CLEC16A: variants seen among roughly 807,000 people sequenced by gnomAD.
CLEC16A encodes the protein protein CLEC16A.
CLEC16A carries 51 observed loss-of-function variants against 109.5 expected under a neutral mutation model. The observed-to-expected ratio is 0.47, with a 90% CI of 0.37 to 0.59. The LOEUF is 0.59. Ranked by LOEUF, CLEC16A falls within the 20% of genes least tolerant of loss-of-function variation. The pLI is 0.00. For synonymous variants in CLEC16A, 673 were observed against 564.2 expected (o/e 1.19, Z -2.73); for missense variants, 1,339 against 1,394.0 (o/e 0.96, Z 0.63).
At chr16:11,002,848 A>G (rs1431011855) in intron 10 of CLEC16A, among the ~76,000 whole-genome samples, 8 of 152,126 alleles carry the variant, frequency 5.3e-5, no homozygotes, top group Non-Finnish European at 1.0e-4. Flanking sequence ...GTGTGTATAC[A>G]TGTCATCTTC....
intron 13 of CLEC16A, chr16:11,027,677 C>T: frequency 1.3e-6 from 2 of 1,571,400 alleles, no homozygotes; most frequent in Non-Finnish European, 1.7e-6. Flanking sequence ...ATCATGCTAC[C>T]AAAAATAGAG....
At chr16:11,137,587 T>TAAAAA in intron 22 of CLEC16A, among the ~76,000 whole-genome samples, 1 of 59,306 alleles carries the variant, frequency 1.7e-5, no homozygotes, top group Non-Finnish European at 3.1e-5. Flanking sequence ...AGACTCCATC[T>TAAAAA]AAAAAAAAAA....
intron 7 of CLEC16A, among the ~76,000 whole-genome samples, chr16:10,976,723 G>A (rs575742315): frequency 2.6e-5 from 4 of 152,340 alleles, no homozygotes; most frequent in African/African-American, 7.2e-5. Flanking sequence ...CCAGCATGCT[G>A]TTGCTAACTG....
chr16:10,973,592 A>G (rs1478550678), intron 7 of CLEC16A, among the ~76,000 whole-genome samples: 2 of 151,958 alleles, frequency 1.3e-5, no homozygotes, highest in South Asian at 4.2e-4. Flanking sequence ...TTTTTGAGAC[A>G]GAGTATTGCT....
At chr16:10,985,799 C>T (rs1336481762) in intron 10 of CLEC16A, among the ~76,000 whole-genome samples, 1 of 149,804 alleles carries the variant, frequency 6.7e-6, no homozygotes, top group African/African-American at 2.5e-5. Context: ...CTCACTGCAG[C>T]CTCTGCCTCT....
chr16:10,989,570 A>T (rs2043876240), intron 10 of CLEC16A, among the ~76,000 whole-genome samples: 1 of 152,204 alleles, frequency 6.6e-6, no homozygotes, highest in Non-Finnish European at 1.5e-5. Flanking sequence ...ATGTGGGTTC[A>T]TATGGTTGGC....
intron 20 of CLEC16A, among the ~76,000 whole-genome samples, chr16:11,121,503 A>G (rs1195667667): frequency 6.6e-6 from 1 of 152,104 alleles, no homozygotes; most frequent in Non-Finnish European, 1.5e-5. Flanking sequence ...ACGTCACCCC[A>G]GCAGAGCTAG....
intron 23 of CLEC16A, 31 bp downstream of exon 23, chr16:11,166,583 A>G (rs11643123): frequency 0.12 from 189,803 of 1,534,530 alleles, 12,758 homozygotes; most frequent in South Asian, 0.24. Flanking sequence ...TGATATGGGG[A>G]CATTTGGAGA....
At chr16:11,131,095 T>C (rs1485525360) in intron 22 of CLEC16A, among the ~76,000 whole-genome samples, 1 of 152,000 alleles carries the variant, frequency 6.6e-6, no homozygotes, top group Admixed American at 6.6e-5. Context: ...CCTCACAGAA[T>C]GTTCAGCTTC....
chr16:11,002,440 G>T lies in CLEC16A; in HGVS notation c.1072-634G>T, dbSNP rs888285937. ...TATTTGATGATGATGTTAATAATGG[G>T]CATAATAATAGATCTGGAGGTGGCA... On this transcript the variant is annotated intron_variant, in intron 10 of 23. Coordinates refer to ENST00000409790, the MANE Select transcript of CLEC16A (RefSeq NM_015226.3). Among the ~76,000 whole-genome samples, 5 of 152,200 alleles carry T rather than the reference G, an allele frequency of 3.3e-5. No individual in the cohort carries two copies. In the East Asian group the frequency reaches 9.6e-4, roughly 29 times the overall value.
intron 19 of CLEC16A, among the ~76,000 whole-genome samples, chr16:11,083,089 CT>C (rs1485085767): frequency 6.6e-6 from 1 of 152,224 alleles, no homozygotes; most frequent in Non-Finnish European, 1.5e-5. Context: ...AGAGCTGCCC[CT>C]CATCAGCAGC....
In CLEC16A at chr16:10,952,728, G is replaced by T. The variant is rs914764453; in HGVS notation, c.81-5054G>T. Among the ~76,000 whole-genome samples the T allele has an allele frequency of 3.9e-5, 6 of 152,186 alleles. 1 individual carries two copies. Among genetic ancestry groups the T allele is most frequent in the Non-Finnish European group, 8.8e-5 (6 of 68,050 alleles). ...GGACAGAAAGACGAGCAAGGTGAAG[G>T]TGTAACCCTCATTGAGCTTTGGAGC... On this transcript the variant is annotated intron_variant, in intron 1 of 23. Coordinates refer to ENST00000409790, the MANE Select transcript of CLEC16A (RefSeq NM_015226.3).
intron 10 of CLEC16A, among the ~76,000 whole-genome samples, chr16:10,993,845 T>C (rs187358936): frequency 6.6e-6 from 1 of 152,210 alleles, no homozygotes; most frequent in Admixed American, 6.5e-5. Context: ...TCCCTCTTGA[T>C]TGAATGCCAG....
intron 22 of CLEC16A, among the ~76,000 whole-genome samples, chr16:11,131,778 TG>T (rs1422026640): frequency 6.6e-6 from 1 of 152,192 alleles, no homozygotes; most frequent in Non-Finnish European, 1.5e-5. Flanking sequence ...CATGGTCCCA[TG>T]CAGTCTGGCC....
At chr16:10,948,857 A>G (rs1021952698) in intron 1 of CLEC16A, among the ~76,000 whole-genome samples, 1 of 152,142 alleles carries the variant, frequency 6.6e-6, no homozygotes, top group African/African-American at 2.4e-5. Flanking sequence ...GGCTTACATC[A>G]TATCAGCTTA....
At position 11,026,907 on chromosome 16, in the gene CLEC16A, G is replaced by T. The variant is rs2046436866; in HGVS notation, c.1537+1986G>T. ...GGCTCACTATGGCTAAGTGAACGCT[G>T]ACTGGGTCCTCCAGCGTGAGCTAGA... On this transcript the variant is annotated intron_variant, in intron 13 of 23. Coordinates refer to ENST00000409790, the MANE Select transcript of CLEC16A (RefSeq NM_015226.3). 8.2e-6 allele frequency: 7 copies of T among 858,042 alleles called. No homozygotes were observed. In the East Asian group the frequency reaches 1.7e-4, roughly 21 times the overall value. The allele number at this position is 858,042 out of a possible 1,614,324, so 53.2% of individuals were successfully genotyped here.
intron 11 of CLEC16A, among the ~76,000 whole-genome samples, chr16:11,007,499 G>A (rs1172696620): frequency 3.3e-5 from 5 of 152,136 alleles, no homozygotes; most frequent in Non-Finnish European, 5.9e-5. Context: ...TGTGGCTCTG[G>A]GCAAGTAATT....
intron 19 of CLEC16A, among the ~76,000 whole-genome samples, chr16:11,083,771 C>T (rs2049862746): frequency 6.6e-6 from 1 of 152,260 alleles, no homozygotes; most frequent in Non-Finnish European, 1.5e-5. Context: ...CTTCCAGCCT[C>T]CTGCTGCCTG....
intron 23 of CLEC16A, among the ~76,000 whole-genome samples, chr16:11,173,953 G>A (rs1005223855): frequency 6.6e-6 from 1 of 152,118 alleles, no homozygotes; most frequent in South Asian, 2.1e-4. Flanking sequence ...CATCCTGGGG[G>A]TTGCATGGGG....
Sources: allele counts gnomAD v4.1 joint callset (sites outside exome capture counted in the v4.1 genomes callset), GRCh38; gene constraint gnomAD v4.1.1; transcripts MANE v1.5; gene names NCBI Gene and HGNC (gene_info 2026-07-23, HGNC 2026-07-21).